The following SRPK2 variants were observed in gnomAD, a reference collection of about 807,000 sequenced individuals.
SRPK2 encodes the protein SRSF protein kinase 2, also known as SFRS protein kinase 2.
Under a neutral mutation model 90.8 loss-of-function variants are expected in SRPK2, and 21 were observed. The observed-to-expected ratio is 0.23, with a 90% confidence interval of 0.16 to 0.33. SRPK2 has a LOEUF of 0.33. Among genes scored for constraint, SRPK2 ranks in the 10% least tolerant of loss-of-function variants. The probability of loss-of-function intolerance (pLI) is 1.00; values close to 1 mark genes in which losing one functional copy is unlikely to be tolerated. For missense variants in SRPK2, 620 were observed against 869.0 expected (o/e 0.71, Z 3.60); for synonymous variants, 288 against 311.1 (o/e 0.93, Z 0.78).
intron 3 of SRPK2, among the ~76,000 whole-genome samples, chr7:105,177,215 T>A (rs1454601691): frequency 6.6e-6 from 1 of 152,204 alleles, no homozygotes; most frequent in Non-Finnish European, 1.5e-5. Context: ...TTTTGATGAC[T>A]TGCTTTTTTT....
intron 7 of SRPK2, 104 bp from the exon 8 acceptor site, chr7:105,146,762 G>A: frequency 1.7e-6 from 2 of 1,205,500 alleles, no homozygotes; most frequent in Non-Finnish European, 2.3e-6. Flanking sequence ...TACAAAGTTT[G>A]ATAAACACAA....
chr7:105,147,642 C>A (rs1382828092), intron 7 of SRPK2, among the ~76,000 whole-genome samples: 1 of 152,200 alleles, frequency 6.6e-6, no homozygotes, highest in East Asian at 1.9e-4. Flanking sequence ...TAAATGACAA[C>A]ATTTTCATTG....
At chr7:105,267,547 C>A (rs1361017170) in intron 2 of SRPK2, among the ~76,000 whole-genome samples, 1 of 152,126 alleles carries the variant, frequency 6.6e-6, no homozygotes, top group Non-Finnish European at 1.5e-5. Context: ...TTAGAAGCCA[C>A]ACAAAAATAA....
At position 105,168,582 on chromosome 7, in the gene SRPK2, G is replaced by T. The variant is rs557541252; in HGVS notation, c.339-487C>A. Among the ~76,000 whole-genome samples, 3 of 151,946 alleles carry T rather than the reference G, an allele frequency of 2.0e-5. No homozygotes were observed. The South Asian group carries it at 6.2e-4, about 32-fold the overall frequency. On this transcript the variant is annotated intron_variant, in intron 4 of 15. Coordinates refer to ENST00000393651, the MANE Select transcript of SRPK2 (RefSeq NM_182692.3). Reference sequence around the variant, plus strand: ...TGGGGCCACATTAAATAGTAGTATGGGTCAAGACAATCTCTTTTATGTTTT... The same window carrying T: ...TGGGGCCACATTAAATAGTAGTATGTGTCAAGACAATCTCTTTTATGTTTT...
intron 3 of SRPK2, among the ~76,000 whole-genome samples, chr7:105,192,112 G>A (rs1000333696): frequency 4.6e-5 from 7 of 150,780 alleles, no homozygotes; most frequent in African/African-American, 1.5e-4. Flanking sequence ...GGTTACATGA[G>A]TAAGTTCTTT....
At chr7:105,362,953 A>G (rs1402440216) in intron 2 of SRPK2, among the ~76,000 whole-genome samples, 2 of 152,052 alleles carry the variant, frequency 1.3e-5, no homozygotes, top group African/African-American at 4.8e-5. Flanking sequence ...AGAAAACCAA[A>G]CACTGCATGT....
chr7:105,346,298 T>C (rs771035519), intron 2 of SRPK2, among the ~76,000 whole-genome samples: 1 of 152,142 alleles, frequency 6.6e-6, no homozygotes, highest in Non-Finnish European at 1.5e-5. Context: ...AGTATTTCCT[T>C]TCCTAGAAAG....
chr7:105,245,034 A>AAAACAC (rs1387627406), intron 2 of SRPK2: 1 of 480,330 alleles, frequency 2.1e-6, no homozygotes, highest in African/African-American at 2.0e-5. Flanking sequence ...AAACAAAACA[A>AAAACAC]ACACACACAC....
At chr7:105,391,685 T>C (rs1563327470), upstream of SRPK2, among the ~76,000 whole-genome samples, 1 of 151,600 alleles carries the variant, frequency 6.6e-6, no homozygotes, top group African/African-American at 2.4e-5. Flanking sequence ...AAAAAAAAAA[T>C]GTTAATGGAA....
intron 2 of SRPK2, among the ~76,000 whole-genome samples, chr7:105,366,508 T>C (rs1201715234): frequency 1.3e-5 from 2 of 152,002 alleles, no homozygotes; most frequent in East Asian, 3.9e-4. Flanking sequence ...CAGATGGGAC[T>C]ACAGGCGTGC....
At chr7:105,386,390 T>TA (rs946264877) in intron 2 of SRPK2, among the ~76,000 whole-genome samples, 1 of 149,382 alleles carries the variant, frequency 6.7e-6, no homozygotes, top group African/African-American at 2.5e-5. Flanking sequence ...CATGAATAAA[T>TA]AAATAACATC....
chr7:105,182,611 C>T (rs1383842526), intron 3 of SRPK2, among the ~76,000 whole-genome samples: 1 of 151,928 alleles, frequency 6.6e-6, no homozygotes, highest in Non-Finnish European at 1.5e-5. Context: ...ACCAACATGC[C>T]CGGCTAATTT....
At chr7:105,380,664 T>C (rs189625108) in intron 2 of SRPK2, among the ~76,000 whole-genome samples, 10 of 151,434 alleles carry the variant, frequency 6.6e-5, no homozygotes, top group African/African-American at 2.4e-4. Flanking sequence ...GCTGGGATTA[T>C]AGGCACATGC....
chr7:105,388,694 T>A lies in SRPK2; in HGVS notation c.25A>T (p.Ile9Phe). 6.3e-7 allele frequency: 1 copy of A among 1,585,196 alleles called. No homozygotes were observed. The highest frequency in any genetic ancestry group is 8.6e-7 in the Non-Finnish European group (1 of 1,165,372). MSSRKVLA[I>F]QARKRRPKRE... is the part of the protein sequence containing the mutation. ...TTCGGCCTCCGCTTTCGGGCCTGAA[T>A]GGCCAGCACTGGGGAAGAGAAGACA... Residue 9 changes from isoleucine to phenylalanine, a missense_variant, in exon 2 of 16, where the codon ATT becomes TTT. Physicochemically the swap from Ile to Phe is conservative, Grantham distance 21. This residue lies in a region of SRPK2 where 56 missense variants were observed against 49.6 expected (regional missense o/e 1.13). Transcript: ENST00000393651.
At chr7:105,126,197 T>A in intron 15 of SRPK2, 51 bp downstream of exon 15, 1 of 1,394,612 alleles carries the variant, frequency 7.2e-7, no homozygotes, top group Non-Finnish European at 1.0e-6. Context: ...CAGCAGCTGC[T>A]CTTCAGTTTC....
At chr7:105,132,101 C>G (rs1322457202) in intron 13 of SRPK2, among the ~76,000 whole-genome samples, 1 of 152,202 alleles carries the variant, frequency 6.6e-6, no homozygotes, top group African/African-American at 2.4e-5. Flanking sequence ...AGCAGCAAAA[C>G]AGGCCTGACA....
intron 2 of SRPK2, among the ~76,000 whole-genome samples, chr7:105,384,530 C>A (rs1445943687): frequency 1.3e-5 from 2 of 152,118 alleles, no homozygotes; most frequent in Admixed American, 6.6e-5. Context: ...TCATATTATA[C>A]CAAGCCAGAC....
At chr7:105,235,082 A>G (rs2299312) in intron 2 of SRPK2, among the ~76,000 whole-genome samples, 27,612 of 152,164 alleles carry the variant, frequency 0.18, 3,170 homozygotes, top group East Asian at 0.58. Flanking sequence ...TCTTCTTCCA[A>G]TGTGGCCCAG....
chr7:105,304,557 T>C (rs961104973), intron 2 of SRPK2: 1 of 152,206 alleles, frequency 6.6e-6, no homozygotes, highest in Admixed American at 6.5e-5. Flanking sequence ...TAAATCCTTT[T>C]TGGAACAAGG....
Sources: gnomAD v4.1 joint callset for allele counts (sites outside exome capture counted in the v4.1 genomes callset) on GRCh38, gnomAD v4.1.1 for gene constraint, gnomAD v4.1.1 regional missense constraint, MANE v1.5 for transcripts, NCBI Gene and HGNC (gene_info 2026-07-23, HGNC 2026-07-21) for gene names.